LAMA5: variants seen among roughly 807,000 people sequenced by gnomAD.
LAMA5 encodes laminin subunit alpha-5.
LAMA5 carries 260 observed loss-of-function variants against 433.4 expected under a neutral mutation model. The observed-to-expected ratio is 0.60, with a 90% CI of 0.54 to 0.66. The LOEUF (loss-of-function observed/expected upper bound fraction) is 0.66. LAMA5 is among the 30% of genes least tolerant of loss of function. The pLI, the probability that LAMA5 is intolerant of heterozygous loss-of-function variation, is 0.00. For synonymous variants in LAMA5, 2,620 were observed against 2,226.6 expected (o/e 1.18, Z -4.97); for missense variants, 5,378 against 5,258.5 (o/e 1.02, Z -0.70).
rs1184920313 is a variant in LAMA5, at chr20:62,312,734, C to A, written c.9125G>T (p.Arg3042Leu). ...GCTGTACACCGTGGCCCGCTCCACA[C>A]GCACCAGCACACGCTTGCGGCTGCC... ...LGGSRKRVLV[R>L]VERATVYSVE... The change falls in exon 67 of 80, where the codon CGT (arginine) becomes CTT (leucine). Residue 3042 changes from arginine (R) to leucine (L), a missense_variant. Physicochemically the swap from Arg to Leu is moderately radical, Grantham distance 102. Coordinates refer to ENST00000252999, the MANE Select transcript of LAMA5 (RefSeq NM_005560.6). 2 of 1,595,378 alleles carry A rather than the reference C, an allele frequency of 1.3e-6. No individual in the cohort carries two copies. Among genetic ancestry groups the A allele is most frequent in the Non-Finnish European group, 1.7e-6 (2 of 1,172,346 alleles).
intron 17 of LAMA5, 58 bp from the exon 18 acceptor site, chr20:62,336,503 CAT>C (rs879569465): frequency 1.4e-6 from 2 of 1,408,830 alleles, no homozygotes; most frequent in Non-Finnish European, 2.0e-6. Flanking sequence ...ACCCACAAAC[CAT>C]AGAGCCATAG....
In LAMA5 at chr20:62,311,015, G is replaced by A. The variant is rs368293191; in HGVS notation, c.10168C>T (p.Pro3390Ser). The change falls in exon 74 of 80, where the codon CCC becomes TCC. Residue 3390 changes from proline to serine, a missense_variant. Transcript: ENST00000252999. ...TTGCTCAGGAAGAGCGCCAGGGAGG[G>A]GCTGCCGGGCCTCAGACGGGCAGTG... ...LFTARLRPGS[P>S]SLALFLSNGH... The A allele has an allele frequency of 7.5e-6, 12 of 1,610,124 alleles. No individual in the cohort carries two copies. The African/African-American group carries it at 1.1e-4, about 14-fold the overall frequency.
chr20:62,322,182 C>G lies in LAMA5; in HGVS notation c.6347-14G>C, dbSNP rs2146121988. ...GGCACTGGCAGCCTGTGGTGGGGGG[C>G]TTGGGTGAGCATGGCTGGCCTGGGA... On this transcript the variant is annotated splice_polypyrimidine_tract_variant and intron_variant, in intron 47 of 79. Transcript: ENST00000252999. 6 of 1,584,214 alleles carry G rather than the reference C, an allele frequency of 3.8e-6. No homozygotes were observed. The highest frequency in any genetic ancestry group is 5.1e-6 in the Non-Finnish European group (6 of 1,167,598).
Position 62,320,805 on chromosome 20 carries a change from G to A in LAMA5, c.6582C>T (p.Gly2194=), listed in dbSNP as rs376826551. The A allele has an allele frequency of 3.1e-6, 5 of 1,612,584 alleles. No homozygotes were observed. The African/African-American group carries it at 6.7e-5, about 22-fold the overall frequency. ...CCCAGGCCATGGAGCTGGCATTGAT[G>A]CCACGCAGTTGCTCGTGAATGGCGG... ...LLPAIHEQLR[G]INASSMAWAR... Residue 2194 remains glycine, a synonymous_variant, in exon 49 of 80, where the codon GGC becomes GGT. Transcript: ENST00000252999.
At chr20:62,321,852 C>T (rs965643817) in intron 48 of LAMA5, among the ~76,000 whole-genome samples, 167 bp downstream of exon 48, 3 of 151,818 alleles carry the variant, frequency 2.0e-5, no homozygotes, top group African/African-American at 7.3e-5. Context: ...AGTGGAGCTG[C>T]AGCGCTCCTC....
chr20:62,315,889 C>T, intron 58 of LAMA5, 59 bp downstream of exon 58: 1 of 1,307,114 alleles, frequency 7.7e-7, no homozygotes, highest in Non-Finnish European at 1.1e-6. Flanking sequence ...TGGCCAGCGC[C>T]ACTGTCACAG....
chr20:62,317,809 T>C lies in LAMA5; in HGVS notation c.7240-31A>G, dbSNP rs749602371. On this transcript the variant is annotated intron_variant, in intron 53 of 79. Transcript: ENST00000252999. ...GGCAATGCAGGGGAGTTGGGGACAA[T>C]GAGGGGTAAGAAAAGAATAAAGGAT... 1.3e-5 allele frequency: 18 copies of C among 1,359,430 alleles called. No individual in the cohort carries two copies. In the Admixed American group the frequency reaches 3.3e-4, roughly 25 times the overall value. The allele number at this position is 1,359,430 out of a possible 1,614,324, so 84.2% of individuals were successfully genotyped here. A position where few individuals can be genotyped will look rare whatever the true frequency, so the allele number is the denominator to read the frequency against.
intron 28 of LAMA5, among the ~76,000 whole-genome samples, chr20:62,332,093 C>T (rs571403986): frequency 1.3e-5 from 2 of 152,018 alleles, no homozygotes; most frequent in Admixed American, 6.6e-5. Context: ...AACAGGCAAC[C>T]AACGCTGTCT....
Position 62,317,742 on chromosome 20 carries a change from G to A in LAMA5, c.7276C>T (p.Leu2426=). Residue 2426 remains leucine, a synonymous_variant, in exon 54 of 80, where the codon CTG becomes TTG. Transcript: ENST00000252999. ...KQELSRDNAT[L]QATLHAARDT... is the part of the protein sequence containing the mutation. The stretch of plus-strand genomic sequence containing the variant: ...CTAGCCGCATGCAGAGTGGCCTGCA[G>A]GGTGGCATTGTCCCGGGACAGCTCC... The A allele has an allele frequency of 6.2e-7, 1 of 1,608,038 alleles. No homozygotes were observed. The highest frequency in any genetic ancestry group is 1.7e-5 in the Admixed American group (1 of 59,494).
At chr20:62,314,258 G>T in intron 62 of LAMA5, 46 bp downstream of exon 62, 1 of 1,593,584 alleles carries the variant, frequency 6.3e-7, no homozygotes, top group Non-Finnish European at 8.5e-7. Context: ...GAACGGGCAA[G>T]GGCCCTGCAG....
chr20:62,315,885 G>A lies in LAMA5; in HGVS notation c.7867+63C>T, dbSNP rs558067887. 8 of 1,266,444 alleles carry A rather than the reference G, an allele frequency of 6.3e-6. No homozygotes were observed. In the Admixed American group the frequency reaches 1.2e-4, roughly 19 times the overall value. 78.5% of individuals were successfully genotyped at this position (1,266,444 alleles called of 1,614,324 possible). On this transcript the variant is annotated intron_variant, in intron 58 of 79. Transcript: ENST00000252999. The stretch of plus-strand genomic sequence containing the variant: ...AGTGCTCACCAACCACATGTGGCCA[G>A]CGCCACTGTCACAGAGCCTCATGGT...
chr20:62,328,894 C>T lies in LAMA5; in HGVS notation c.4397G>A (p.Arg1466His), dbSNP rs146876753. Residue 1466 changes from arginine (R) to histidine (H), a missense_variant, in exon 34 of 80, where the codon CGT (arginine) becomes CAT (histidine). By Grantham distance (29) the Arg-to-His change is conservative. Coordinates refer to ENST00000252999, the MANE Select transcript of LAMA5 (RefSeq NM_005560.6). The stretch of plus-strand genomic sequence containing the variant: ...TCCGGTGGCACAGCGGGAGCAGTCA[C>T]GGCCAATGACATGGGCATGGCAGGG... ...QCPCHAHVIGRDCSRCATGYW... is the reference protein window; with the variant it reads ...QCPCHAHVIGHDCSRCATGYW... The T allele has an allele frequency of 8.1e-6, 13 of 1,611,876 alleles. No homozygotes were observed. The highest frequency in any genetic ancestry group is 1.3e-5 in the African/African-American group (1 of 75,050).
rs371725452 is a variant in LAMA5 at position 62,352,234 on chromosome 20, C to T, written c.687+8G>A. On this transcript the variant is annotated splice_region_variant and intron_variant, in intron 4 of 79. Transcript: ENST00000252999. The stretch of plus-strand genomic sequence containing the variant: ...GCCCCCGTACCGCCCTGCCCCTCCC[C>T]GGCCCACCTCTCCGTTCTCCAGGGG... The T allele has an allele frequency of 1.4e-5, 23 of 1,595,520 alleles. No homozygotes were observed. The highest frequency in any genetic ancestry group is 1.6e-4 in the Middle Eastern group (1 of 6,070).
chr20:62,328,013 G>A lies in LAMA5; in HGVS notation c.4653-3C>T. The A allele has an allele frequency of 1.2e-6, 2 of 1,611,368 alleles. No homozygotes were observed. Among genetic ancestry groups the A allele is most frequent in the Non-Finnish European group, 1.7e-6 (2 of 1,179,748 alleles). On this transcript the variant is annotated splice_region_variant and splice_polypyrimidine_tract_variant and intron_variant, in intron 35 of 79. Transcript: ENST00000252999. ...GCCCAGTCACGTTGGGTCTGCACCT[G>A]TGGCAGGGGCGGGAGCTGAGCCCCC...
At chr20:62,364,288 C>T (rs895486525) in intron 1 of LAMA5, among the ~76,000 whole-genome samples, 3 of 152,258 alleles carry the variant, frequency 2.0e-5, no homozygotes, top group Middle Eastern at 3.4e-3. Context: ...TAGGTGTGGG[C>T]GGCGCCCTCT....
At chr20:62,352,118 C>A (rs1383331679) in intron 4 of LAMA5, 39 bp from the exon 5 acceptor site, 1 of 1,602,266 alleles carries the variant, frequency 6.2e-7, no homozygotes, top group Non-Finnish European at 8.5e-7. Context: ...TGGCCCTAGC[C>A]CCTGCTCAGC....
In LAMA5 at chr20:62,336,415, C is replaced by T. The variant is rs201119098; in HGVS notation, c.2248G>A (p.Val750Met). 2.4e-4 allele frequency: 385 copies of T among 1,612,478 alleles called. No individual in the cohort carries two copies. The highest frequency in any genetic ancestry group is 3.0e-4 in the Non-Finnish European group (354 of 1,179,840). Residue 750 changes from valine to methionine, a missense_variant, in exon 18 of 80, where the codon GTG becomes ATG. By Grantham distance (21) the Val-to-Met change is conservative. Coordinates refer to ENST00000252999, the MANE Select transcript of LAMA5 (RefSeq NM_005560.6). ...CAGCGGTCACAGCTCGGCCCCTCCACGTGAGCCCGGCACATACAGGGAACC... is the reference window on the plus strand; with the variant it reads ...CAGCGGTCACAGCTCGGCCCCTCCATGTGAGCCCGGCACATACAGGGAACC... ...AQVPCMCRAH[V>M]EGPSCDRCKP...
At chr20:62,354,735 C>T (rs969303676) in intron 2 of LAMA5, among the ~76,000 whole-genome samples, 4 of 152,134 alleles carry the variant, frequency 2.6e-5, no homozygotes, top group African/African-American at 9.7e-5. Context: ...CTCCCACCCG[C>T]CATAGCCTCT....
At position 62,329,013 on chromosome 20, in the gene LAMA5, G is replaced by C. The variant is rs765780164; in HGVS notation, c.4278C>G (p.Ser1426=). 1.9e-6 allele frequency: 3 copies of C among 1,612,746 alleles called. No individual in the cohort carries two copies. In the African/African-American group the frequency reaches 4.0e-5, roughly 21 times the overall value. ...SSLFCRNAAA[S]LSLFYNNGAR... is the part of the protein sequence containing the mutation. Reference sequence around the variant, plus strand: ...CTCCGTTGTTATAGAAGAGGGAGAGGGAAGCAGCAGCGTTTCGGCAGAACA... The same window carrying C: ...CTCCGTTGTTATAGAAGAGGGAGAGCGAAGCAGCAGCGTTTCGGCAGAACA... The change falls in exon 34 of 80, where the codon TCC becomes TCG. Residue 1426 remains serine (S), a synonymous_variant. Coordinates refer to ENST00000252999, the MANE Select transcript of LAMA5 (RefSeq NM_005560.6).
Sources: allele counts gnomAD v4.1 joint callset (sites outside exome capture counted in the v4.1 genomes callset), GRCh38; gene constraint gnomAD v4.1.1; transcripts MANE v1.5; gene names NCBI Gene and HGNC (gene_info 2026-07-23, HGNC 2026-07-21).